Variants in CHST4 observed in about 807,000 individuals in gnomAD.
CHST4 encodes the protein GST-3.
For missense variants in CHST4, 466 were observed against 506.0 expected (o/e 0.92, Z 0.76); for synonymous variants, 171 against 195.5 (o/e 0.87, Z 1.05).
In CHST4 at chr16:71,526,508, T is replaced by C. The variant is rs1482639308; in HGVS notation, c.-19+13T>C. On this transcript the variant is annotated intron_variant, in intron 1 of 1. Coordinates refer to ENST00000539698, the MANE Select transcript of CHST4 (RefSeq NM_001166395.2). Reference sequence around the variant, plus strand: ...CCCAAGCCACAAGGTAAGAAGAGAATTTCTGTGTACGACTCCAATGCAGAG... The same window carrying C: ...CCCAAGCCACAAGGTAAGAAGAGAACTTCTGTGTACGACTCCAATGCAGAG... The C allele has an allele frequency of 6.6e-6, 1 of 152,196 alleles. No homozygotes were observed. Among genetic ancestry groups the C allele is most frequent in the African/African-American group, 2.4e-5 (1 of 41,392 alleles). The allele number at this position is 152,196 out of a possible 1,614,324, so 9.4% of individuals were successfully genotyped here. A position where few individuals can be genotyped will look rare whatever the true frequency, so the allele number is the denominator to read the frequency against.
rs763299741 is a variant in CHST4, at chr16:71,536,792, C to G, written c.115C>G (p.Gln39Glu). The G allele has an allele frequency of 1.3e-5, 19 of 1,518,590 alleles. No individual in the cohort carries two copies. In the East Asian group the frequency reaches 4.1e-4, roughly 33 times the overall value. 94.1% of individuals were successfully genotyped at this position (1,518,590 alleles called of 1,614,324 possible). Residue 39 changes from glutamine to glutamate, a missense_variant, in exon 2 of 2, where the codon CAG (glutamine) becomes GAG (glutamate). Transcript: ENST00000539698. ...HNISSLSMKA[Q>E]PERMHVLVLS... ...CATCAGCTCCCTGTCTATGAAGGCA[C>G]AGCCCGAGCGCATGCACGTGCTGGT...
chr16:71,527,866 G>T (rs748803431), intron 1 of CHST4, among the ~76,000 whole-genome samples: 16 of 152,256 alleles, frequency 1.1e-4, no homozygotes, highest in Admixed American at 2.0e-4. Context: ...GAGAGAATAG[G>T]TTGTAAAATG....
chr16:71,532,671 T>C (rs1238790685), intron 1 of CHST4, among the ~76,000 whole-genome samples: 1 of 152,208 alleles, frequency 6.6e-6, no homozygotes, highest in Non-Finnish European at 1.5e-5. Context: ...CCTTTGTGGC[T>C]ACCCAATTTC....
chr16:71,527,387 G>C (rs576571451), intron 1 of CHST4, among the ~76,000 whole-genome samples: 1 of 152,332 alleles, frequency 6.6e-6, no homozygotes, highest in Admixed American at 6.5e-5. Context: ...TGTGTCTAAG[G>C]TGGTCGGGGT....
intron 1 of CHST4, among the ~76,000 whole-genome samples, chr16:71,534,022 C>T (rs2043968225): frequency 7.0e-6 from 1 of 143,768 alleles, no homozygotes; most frequent in Non-Finnish European, 1.5e-5. Flanking sequence ...AGCCTGGTGA[C>T]AGAGCAAGAC....
At position 71,537,710 on chromosome 16, in the gene CHST4, C is replaced by T. The variant is rs2044003493; in HGVS notation, c.1033C>T (p.Arg345Ter). Reference sequence around the variant, plus strand: ...GTCTTTGCCCTATGAAAAGGTTTCTCGACTTCAGAAAGCCTGTGGCGATGC... The same window carrying T: ...GTCTTTGCCCTATGAAAAGGTTTCTTGACTTCAGAAAGCCTGTGGCGATGC... ...RWSLPYEKVS[R>*]LQKACGDAMN... Residue 345 changes from arginine (R) to a stop codon, truncating the protein, a stop_gained, in exon 2 of 2, where the codon CGA (arginine) becomes TGA (stop). Transcript: ENST00000539698. LOFTEE classifies it low-confidence loss of function (END_TRUNC). This position sits in a 1 kb window ranked among gnomAD's most constrained non-coding sequence, Gnocchi z 4.2. 3.1e-6 allele frequency: 5 copies of T among 1,614,172 alleles called. No individual in the cohort carries two copies. The highest frequency in any genetic ancestry group is 4.2e-6 in the Non-Finnish European group (5 of 1,180,034).
chr16:71,532,290 A>G (rs1021149601), intron 1 of CHST4, among the ~76,000 whole-genome samples: 1 of 151,784 alleles, frequency 6.6e-6, no homozygotes, highest in Non-Finnish European at 1.5e-5. Context: ...CTCGTGATCC[A>G]CCCACCTTGG....
chr16:71,530,745 C>T (rs567400890), intron 1 of CHST4, among the ~76,000 whole-genome samples: 2 of 150,722 alleles, frequency 1.3e-5, no homozygotes, highest in South Asian at 4.2e-4. Context: ...CTGTACTCCA[C>T]CCTGGGCAAC....
At position 71,529,543 on chromosome 16, in the gene CHST4, ATTTTTTTTTTTT is replaced by A. The variant is rs1157747412; in HGVS notation, c.-19+3068_-19+3079del. On this transcript the variant is annotated intron_variant, in intron 1 of 1. Coordinates refer to ENST00000539698, the MANE Select transcript of CHST4 (RefSeq NM_001166395.2). The stretch of plus-strand genomic sequence containing the variant: ...ACTGTGCCTCTTCCCATGCTCATCT[ATTTTTTTTTTTT>A]TTTTTTTTTTTTTTTTTTTGAGACC... 4.9e-3 allele frequency among the ~76,000 whole-genome samples: 201 copies of A among 41,362 alleles called. 2 individuals are homozygous for A. Among genetic ancestry groups the A allele is most frequent in the African/African-American group, 0.018 (184 of 10,366 alleles). The allele number at this position is 41,362 out of a possible 152,430, so 27.1% of individuals were successfully genotyped here. A position where few individuals can be genotyped will look rare whatever the true frequency, so the allele number is the denominator to read the frequency against.
chr16:71,531,860 T>C (rs745555908), intron 1 of CHST4, among the ~76,000 whole-genome samples: 29 of 152,198 alleles, frequency 1.9e-4, no homozygotes, highest in Non-Finnish European at 4.0e-4. Flanking sequence ...TGCTTCCTAT[T>C]TTTGTTCCAA....
At chr16:71,527,675 G>A (rs182167533) in intron 1 of CHST4, among the ~76,000 whole-genome samples, 75 of 152,198 alleles carry the variant, frequency 4.9e-4, no homozygotes, top group Non-Finnish European at 9.6e-4. Context: ...GCTTGAAACC[G>A]GGAGGCTGCA....
Position 71,534,955 on chromosome 16 carries a change from T to G in CHST4, c.-18-1705T>G, listed in dbSNP as rs184276984. Among the ~76,000 whole-genome samples, 377 of 152,258 alleles carry G rather than the reference T, an allele frequency of 2.5e-3. 1 individual carries two copies. Among genetic ancestry groups the G allele is most frequent in the Admixed American group, 3.1e-3 (48 of 15,290 alleles). ...CAGAAGGTCACCCAGAATGACAAAG[T>G]CATGTGGGAAGGAGGTTAAAATATC... On this transcript the variant is annotated intron_variant, in intron 1 of 1. Transcript: ENST00000539698.
intron 1 of CHST4, among the ~76,000 whole-genome samples, chr16:71,529,073 TG>T (rs1280628909): frequency 6.6e-6 from 1 of 152,112 alleles, no homozygotes; most frequent in African/African-American, 2.4e-5. Flanking sequence ...TGGAATGTGC[TG>T]AGTTTGGGTT....
chr16:71,532,562 A>G (rs2043956690), intron 1 of CHST4, among the ~76,000 whole-genome samples: 2 of 152,164 alleles, frequency 1.3e-5, no homozygotes, highest in Admixed American at 6.5e-5. Flanking sequence ...TTGAGTCATT[A>G]CATACTTCCC....
intron 1 of CHST4, among the ~76,000 whole-genome samples, chr16:71,527,462 T>A (rs1210752435): frequency 1.3e-5 from 2 of 152,118 alleles, no homozygotes; most frequent in Non-Finnish European, 2.9e-5. Flanking sequence ...AAGAAATACA[T>A]CTAGCCAGGC....
At chr16:71,531,652 G>A (rs1000903728) in intron 1 of CHST4, among the ~76,000 whole-genome samples, 3 of 152,110 alleles carry the variant, frequency 2.0e-5, no homozygotes, top group African/African-American at 7.2e-5. Flanking sequence ...ACCAAGCCCC[G>A]CACAGGACAC....
rs1789159823 is a variant in CHST4 at position 71,537,245 on chromosome 16, CT to C, written c.569del (p.Leu190ArgfsTer2). ...CTTCAACCTGCAGTCCCTCTACCCG[CT>C]GCTGAAAGACCCCTCCCTCAACCTG... The part of the protein sequence containing the change: ...RFFNLQSLYP[L>X]LKDPSLNLHI... On this transcript the variant is annotated frameshift_variant, in exon 2 of 2. Coordinates refer to ENST00000539698, the MANE Select transcript of CHST4 (RefSeq NM_001166395.2). LOFTEE classifies it low-confidence loss of function (END_TRUNC). This position sits in a 1 kb window ranked among gnomAD's most constrained non-coding sequence, Gnocchi z 4.2. 1 of 1,614,108 alleles carries C rather than the reference CT, an allele frequency of 6.2e-7. No homozygotes were observed. Among genetic ancestry groups the C allele is most frequent in the South Asian group, 1.1e-5 (1 of 91,090 alleles).
chr16:71,537,756 G>T lies in CHST4; in HGVS notation c.1079G>T (p.Arg360Leu). Residue 360 changes from arginine (R) to leucine (L), a missense_variant, in exon 2 of 2, where the codon CGC becomes CTC. Arg to Leu is a moderately radical substitution (Grantham distance 102, BLOSUM62 -2). Transcript: ENST00000539698. This position sits in a 1 kb window ranked among gnomAD's most constrained non-coding sequence, Gnocchi z 4.2. ...GATGCCATGAATTTGCTGGGCTACCGCCACGTCAGATCTGAACAAGAACAG... is the reference window on the plus strand; with the variant it reads ...GATGCCATGAATTTGCTGGGCTACCTCCACGTCAGATCTGAACAAGAACAG... ...CGDAMNLLGY[R>L]HVRSEQEQRN... is the part of the protein sequence containing the mutation. 2 of 1,614,214 alleles carry T rather than the reference G, an allele frequency of 1.2e-6. No homozygotes were observed. The highest frequency in any genetic ancestry group is 2.7e-5 in the African/African-American group (2 of 75,060).
intron 1 of CHST4, among the ~76,000 whole-genome samples, chr16:71,534,630 C>G (rs944001714): frequency 5.9e-5 from 9 of 151,890 alleles, no homozygotes; most frequent in East Asian, 1.9e-4. Context: ...AGTGTTGGGA[C>G]TACAGGCATG....
Sources: gnomAD v4.1 joint callset for allele counts (sites outside exome capture counted in the v4.1 genomes callset) on GRCh38, gnomAD v4.1.1 for gene constraint, Gnocchi (gnomAD v3.1) non-coding constraint, MANE v1.5 for transcripts, NCBI Gene and HGNC (gene_info 2026-07-23, HGNC 2026-07-21) for gene names.